Variants in MED27 observed in about 807,000 individuals in gnomAD.
MED27 encodes the protein mediator of RNA polymerase II transcription subunit 27.
A neutral mutation model predicts 38.2 loss-of-function variants in MED27; 30 were observed. The ratio of observed to expected loss-of-function variants is 0.79; its 90% CI spans 0.59 to 1.07. The LOEUF (loss-of-function observed/expected upper bound fraction) is 1.07. Among genes scored for constraint, MED27 ranks in the 50% least tolerant of loss-of-function variants. MED27 has a pLI of 0.00. For synonymous variants in MED27, 122 were observed against 153.5 expected, an observed-to-expected ratio of 0.79 and a Z score of 1.52; for missense variants, 289 against 397.5, an observed-to-expected ratio of 0.73 and a Z score of 2.32.
At chr9:131,933,349 A>G (rs937187287) in intron 4 of MED27, among the ~76,000 whole-genome samples, 1 of 152,182 alleles carries the variant, frequency 6.6e-6, no homozygotes, top group African/African-American at 2.4e-5. Context: ...CCGATCTTAT[A>G]TTTGGAAAAA....
rs143292874 is a variant in MED27 at position 132,012,266 on chromosome 9, T to C, written c.479+2071A>G. 2.2e-3 allele frequency among the ~76,000 whole-genome samples: 333 copies of C among 152,328 alleles called. 1 individual carries two copies. The highest frequency in any genetic ancestry group is 7.0e-3 in the African/African-American group (293 of 41,568). On this transcript the variant is annotated intron_variant, in intron 3 of 7. Coordinates refer to ENST00000292035, the MANE Select transcript of MED27 (RefSeq NM_004269.4). ...ACTTTAGAGAGCTGAAAGTTGAGAT[T>C]TGCAGAATCACCAAATCGACACATG...
intron 2 of MED27, among the ~76,000 whole-genome samples, chr9:132,023,960 C>T (rs778711730): frequency 2.6e-5 from 4 of 152,082 alleles, no homozygotes; most frequent in East Asian, 1.9e-4. Context: ...AAGAACAAGG[C>T]GTGGTGGCTC....
At chr9:131,996,619 G>A (rs571506188) in intron 3 of MED27, among the ~76,000 whole-genome samples, 8 of 152,312 alleles carry the variant, frequency 5.3e-5, no homozygotes, top group South Asian at 4.1e-4. Flanking sequence ...ACAGGGAGAC[G>A]CAGTGATACA....
At chr9:131,914,562 T>C (rs1180401025) in intron 4 of MED27, among the ~76,000 whole-genome samples, 1 of 152,200 alleles carries the variant, frequency 6.6e-6, no homozygotes, top group Non-Finnish European at 1.5e-5. Flanking sequence ...AAACAGTCTC[T>C]ATCCTCACAG....
intron 3 of MED27, among the ~76,000 whole-genome samples, chr9:132,009,736 T>G (rs535047430): frequency 2.6e-5 from 4 of 152,368 alleles, no homozygotes; most frequent in Non-Finnish European, 4.4e-5. Flanking sequence ...CTGTGAGAGA[T>G]AATGTTCATG....
chr9:131,977,172 C>T (rs183899466), intron 3 of MED27, among the ~76,000 whole-genome samples: 254 of 152,290 alleles, frequency 1.7e-3, no homozygotes, highest in Non-Finnish European at 2.9e-3. Context: ...TCAGGAACTC[C>T]GCGTGTGCCA....
chr9:131,875,215 C>T (rs1383737201), intron 6 of MED27, among the ~76,000 whole-genome samples: 1 of 152,220 alleles, frequency 6.6e-6, no homozygotes, highest in Non-Finnish European at 1.5e-5. Context: ...ATCAGCATAT[C>T]AGGGCTGCCC....
chr9:131,984,599 G>A (rs184925268), intron 3 of MED27, among the ~76,000 whole-genome samples: 2 of 152,306 alleles, frequency 1.3e-5, no homozygotes, highest in East Asian at 3.9e-4. Flanking sequence ...AAAGTGACTG[G>A]GGAAGCTACT....
chr9:131,984,291 C>T (rs1454643751), intron 3 of MED27, among the ~76,000 whole-genome samples: 2 of 152,144 alleles, frequency 1.3e-5, no homozygotes, highest in African/African-American at 4.8e-5. Flanking sequence ...GATTGTTTGT[C>T]TTCCATATTC....
chr9:131,881,143 A>C (rs1267827387), intron 6 of MED27, among the ~76,000 whole-genome samples: 1 of 152,242 alleles, frequency 6.6e-6, no homozygotes, highest in Non-Finnish European at 1.5e-5. Flanking sequence ...AATGTTCTTC[A>C]CTATTAAAGC....
rs1833920590 is a variant in MED27 at position 132,070,851 on chromosome 9, A to G, written c.348+6591T>C. ...CTCCACCCCCAGGTTCTGTGAGGAA[A>G]GAACTGCCCCCCACACACTAATTCA... On this transcript the variant is annotated intron_variant, in intron 2 of 7. Transcript: ENST00000292035. 2.0e-5 allele frequency among the ~76,000 whole-genome samples: 3 copies of G among 151,768 alleles called. No homozygotes were observed. The South Asian group carries it at 6.3e-4, about 32-fold the overall frequency.
chr9:131,965,225 C>G (rs548025672), intron 3 of MED27, among the ~76,000 whole-genome samples: 17 of 152,348 alleles, frequency 1.1e-4, no homozygotes, highest in African/African-American at 4.1e-4. Flanking sequence ...CCAGGAAACA[C>G]TTACTTGCTA....
chr9:131,948,177 A>C (rs1830918689), intron 3 of MED27, among the ~76,000 whole-genome samples: 1 of 152,188 alleles, frequency 6.6e-6, no homozygotes, highest in African/African-American at 2.4e-5. Flanking sequence ...AAGAAAATCA[A>C]AAATACTTTC....
At chr9:132,001,043 T>TGCA (rs1832221295) in intron 3 of MED27, among the ~76,000 whole-genome samples, 1 of 151,840 alleles carries the variant, frequency 6.6e-6, no homozygotes, top group African/African-American at 2.4e-5. Flanking sequence ...GCAGCTGCGG[T>TGCA]GAGCTATGAT....
At chr9:132,029,437 A>G (rs901483326) in intron 2 of MED27, among the ~76,000 whole-genome samples, 2 of 152,240 alleles carry the variant, frequency 1.3e-5, no homozygotes, top group African/African-American at 4.8e-5. Context: ...AGCACTGCAC[A>G]TAAATCAAAG....
intron 3 of MED27, among the ~76,000 whole-genome samples, chr9:131,987,653 T>C (rs1831883785): frequency 6.6e-6 from 1 of 152,212 alleles, no homozygotes; most frequent in Admixed American, 6.5e-5. Flanking sequence ...ATTTCCTCAA[T>C]TTTCTGTCTC....
chr9:131,866,587 C>T (rs576132632), intron 6 of MED27, among the ~76,000 whole-genome samples: 2 of 152,362 alleles, frequency 1.3e-5, no homozygotes, highest in Admixed American at 1.3e-4. Flanking sequence ...AGGGAAAGAG[C>T]GTGGGCTCCA....
At chr9:131,903,930 A>C (rs1830001792) in intron 4 of MED27, among the ~76,000 whole-genome samples, 1 of 140,956 alleles carries the variant, frequency 7.1e-6, no homozygotes. Flanking sequence ...ATGGAGTCTC[A>C]CTCTGTCACC....
At position 131,897,929 on chromosome 9, in the gene MED27, A is replaced by G. The variant is rs77356783; in HGVS notation, c.574-3937T>C. Among the ~76,000 whole-genome samples, 125 of 152,280 alleles carry G rather than the reference A, an allele frequency of 8.2e-4. 1 individual carries two copies. Among genetic ancestry groups the G allele is most frequent in the African/African-American group, 2.8e-3 (116 of 41,560 alleles). On this transcript the variant is annotated intron_variant, in intron 4 of 7. Coordinates refer to ENST00000292035, the MANE Select transcript of MED27 (RefSeq NM_004269.4). Reference sequence around the variant, plus strand: ...CATAAGTCTTTCCCAAACTAAAGAGATCCCCCTCCCAACCCCATGTCCCCA... The same window carrying G: ...CATAAGTCTTTCCCAAACTAAAGAGGTCCCCCTCCCAACCCCATGTCCCCA...
Sources: gnomAD v4.1 joint callset for allele counts (sites outside exome capture counted in the v4.1 genomes callset) on GRCh38, gnomAD v4.1.1 for gene constraint, MANE v1.5 for transcripts, NCBI Gene and HGNC (gene_info 2026-07-23, HGNC 2026-07-21) for gene names.